Variants in MLLT10 observed in about 807,000 individuals in gnomAD.
The protein encoded by MLLT10 is MLLT10 histone lysine methyltransferase DOT1L cofactor.
MLLT10 carries 30 observed loss-of-function variants against 129.1 expected under a neutral mutation model. The observed-to-expected ratio is 0.23, with a 90% CI of 0.17 to 0.32. The LOEUF is 0.32. MLLT10 is among the 10% of genes least tolerant of loss of function. The probability of loss-of-function intolerance (pLI) is 1.00; values close to 1 mark genes in which losing one functional copy is unlikely to be tolerated. For synonymous variants in MLLT10, 490 were observed against 446.4 expected, an observed-to-expected ratio of 1.10 and a Z score of -1.23; for missense variants, 1,119 against 1,268.3, an observed-to-expected ratio of 0.88 and a Z score of 1.79.
intron 8 of MLLT10, among the ~76,000 whole-genome samples, chr10:21,644,478 G>T (rs1473464177): frequency 6.6e-6 from 1 of 152,112 alleles, no homozygotes; most frequent in Non-Finnish European, 1.5e-5. Context: ...CAGTATAAGA[G>T]CTTGGCTTAG....
chr10:21,692,001 CAAAA>C (rs929971187), intron 13 of MLLT10, among the ~76,000 whole-genome samples: 17 of 50,164 alleles, frequency 3.4e-4, no homozygotes, highest in East Asian at 8.5e-4. Flanking sequence ...CTCATATCTA[CAAAA>C]AAAAAAAAAA....
intron 13 of MLLT10, among the ~76,000 whole-genome samples, chr10:21,685,392 T>G (rs1589634113): frequency 6.6e-6 from 1 of 152,206 alleles, no homozygotes; most frequent in African/African-American, 2.4e-5. Context: ...TGGAATGCAA[T>G]GGTGCCATCT....
chr10:21,626,008 C>G, intron 8 of MLLT10: 5 of 1,101,198 alleles, frequency 4.5e-6, no homozygotes, highest in Non-Finnish European at 5.6e-6. Context: ...CACCATACTT[C>G]CTCTGTCCTG....
intron 3 of MLLT10, among the ~76,000 whole-genome samples, chr10:21,563,769 G>A (rs946960220): frequency 1.3e-4 from 19 of 150,896 alleles, no homozygotes; most frequent in African/African-American, 4.4e-4. Context: ...TTTGATAGGC[G>A]GGTAGTGATA....
chr10:21,664,915 A>G (rs2050595474), intron 9 of MLLT10, among the ~76,000 whole-genome samples: 1 of 140,428 alleles, frequency 7.1e-6, no homozygotes, highest in Non-Finnish European at 1.6e-5. Flanking sequence ...TTGTGCCTTT[A>G]TATTTAAAAT....
At chr10:21,548,990 C>T (rs1316644710) in intron 3 of MLLT10, among the ~76,000 whole-genome samples, 1 of 152,040 alleles carries the variant, frequency 6.6e-6, no homozygotes, top group East Asian at 1.9e-4. Flanking sequence ...AGTTGTCTTT[C>T]CTGGGATTCC....
At chr10:21,614,798 A>G (rs751464074) in intron 6 of MLLT10, 33 bp from the exon 7 acceptor site, 7 of 1,556,656 alleles carry the variant, frequency 4.5e-6, no homozygotes, top group Admixed American at 1.8e-5. Flanking sequence ...TGATTTTAGT[A>G]TATCAATAAA....
intron 21 of MLLT10, among the ~76,000 whole-genome samples, chr10:21,737,413 G>T (rs554549895): frequency 8.5e-5 from 13 of 152,154 alleles, no homozygotes; most frequent in Admixed American, 7.9e-4. Context: ...ATGTGACAGC[G>T]TGTGTGTATG....
chr10:21,629,711 G>T (rs1304689167), intron 8 of MLLT10, among the ~76,000 whole-genome samples: 1 of 152,206 alleles, frequency 6.6e-6, no homozygotes, highest in Non-Finnish European at 1.5e-5. Context: ...TAGCACCAAG[G>T]AAGTCATTGA....
At chr10:21,730,227 A>C (rs2057848678) in intron 16 of MLLT10, among the ~76,000 whole-genome samples, 2 of 150,952 alleles carry the variant, frequency 1.3e-5, no homozygotes, top group South Asian at 4.2e-4. Context: ...CCCAGGACCC[A>C]GGAAGTCAAG....
intron 8 of MLLT10, among the ~76,000 whole-genome samples, chr10:21,635,492 A>G (rs927990957): frequency 1.5e-4 from 23 of 151,654 alleles, no homozygotes; most frequent in Admixed American, 4.6e-4. Context: ...TAGCCTCCCC[A>G]GTAGCTGGGA....
chr10:21,645,504 A>C (rs2048389031), intron 8 of MLLT10, among the ~76,000 whole-genome samples: 1 of 152,228 alleles, frequency 6.6e-6, no homozygotes, highest in Non-Finnish European at 1.5e-5. Context: ...TCATATTAAA[A>C]TAACTCACAT....
rs1203616602 is a variant in MLLT10 at position 21,733,987 on chromosome 10, C to T, written c.2716C>T (p.Gln906Ter). 1 of 1,614,060 alleles carries T rather than the reference C, an allele frequency of 6.2e-7. No individual in the cohort carries two copies. The highest frequency in any genetic ancestry group is 8.5e-7 in the Non-Finnish European group (1 of 1,180,038). The change falls in exon 20 of 23, where the codon CAA (glutamine) becomes TAA (stop). Residue 906 changes from glutamine (Q) to a stop codon, truncating the protein, a stop_gained. Transcript: ENST00000307729. LOFTEE classifies it high-confidence loss of function. ...AATAATTGGAGCTTTGCCAGGTAAC[C>T]AACTGGCAATTAATGGCATTGTAGG... ...GGIIGALPGN[Q>*]LAINGIVGAL...
intron 3 of MLLT10, among the ~76,000 whole-genome samples, chr10:21,574,399 T>G (rs757653919): frequency 1.3e-5 from 2 of 152,202 alleles, no homozygotes; most frequent in Non-Finnish European, 2.9e-5. Flanking sequence ...TTTTAGGTTT[T>G]TCCAAAGTGT....
rs192422884 is a variant in MLLT10, at chr10:21,622,666, G to T, written c.699+5459G>T. 3.4e-3 allele frequency among the ~76,000 whole-genome samples: 518 copies of T among 152,254 alleles called. 3 individuals carry two copies. Among genetic ancestry groups the T allele is most frequent in the South Asian group, 5.6e-3 (27 of 4,814 alleles). On this transcript the variant is annotated intron_variant, in intron 8 of 22. Coordinates refer to ENST00000307729, the MANE Select transcript of MLLT10 (RefSeq NM_001195626.3). ...TGTTAGTTAATGTTGATTAGTAAAA[G>T]GAAAGCATGCTGCTGTTCTATAAGT...
chr10:21,696,459 C>G lies in MLLT10; in HGVS notation c.1699+14202C>G, dbSNP rs1268725677. Among the ~76,000 whole-genome samples the G allele has an allele frequency of 2.0e-5, 3 of 152,174 alleles. No homozygotes were observed. In the East Asian group the frequency reaches 5.8e-4, roughly 29 times the overall value. On this transcript the variant is annotated intron_variant, in intron 13 of 22. Transcript: ENST00000307729. Reference sequence around the variant, plus strand: ...TCCTATTGATTGATTTTTCAAACCACTTCTTAGTGGCCTCTACAACTACTC... The same window carrying G: ...TCCTATTGATTGATTTTTCAAACCAGTTCTTAGTGGCCTCTACAACTACTC...
rs1029680382 is a variant in MLLT10 at position 21,707,929 on chromosome 10, C to A, written c.1700-5843C>A. Among the ~76,000 whole-genome samples, 18 of 152,202 alleles carry A rather than the reference C, an allele frequency of 1.2e-4. 1 individual carries two copies. The highest frequency in any genetic ancestry group is 1.5e-5 in the Non-Finnish European group (1 of 68,034). ...AGTTAACACCTACCTAACCTTTAAG[C>A]CTTGTCTTAAATATTTTTTTAGACA... is the stretch of plus-strand genomic sequence containing the variant. On this transcript the variant is annotated intron_variant, in intron 13 of 22. Coordinates refer to ENST00000307729, the MANE Select transcript of MLLT10 (RefSeq NM_001195626.3).
rs377253140 is a variant in MLLT10, at chr10:21,708,555, G to GT, written c.1700-5209dup. ...TGATAGGAAAGGAACATTTTGCTCTGTTTTTTTTGTGTGTGTGTTTTTTTT... is the reference window on the plus strand; with the variant it reads ...TGATAGGAAAGGAACATTTTGCTCTGTTTTTTTTTGTGTGTGTGTTTTTTTT... On this transcript the variant is annotated intron_variant, in intron 13 of 22. Transcript: ENST00000307729. 578 of 981,690 alleles carry GT rather than the reference G, an allele frequency of 5.9e-4. 2 individuals are homozygous for GT. The African/African-American group carries it at 6.9e-3, about 12-fold the overall frequency. The allele number at this position is 981,690 out of a possible 1,614,324, so 60.8% of individuals were successfully genotyped here.
intron 11 of MLLT10, among the ~76,000 whole-genome samples, chr10:21,674,703 A>G (rs972983119): frequency 3.3e-5 from 5 of 152,188 alleles, no homozygotes; most frequent in Admixed American, 3.3e-4. Context: ...TATCTTTTAA[A>G]TTTCATCTTG....
Sources: allele counts gnomAD v4.1 joint callset (sites outside exome capture counted in the v4.1 genomes callset), GRCh38; gene constraint gnomAD v4.1.1; transcripts MANE v1.5; gene names NCBI Gene and HGNC (gene_info 2026-07-23, HGNC 2026-07-21).